CNNM2: variants seen among roughly 807,000 people sequenced by gnomAD.
CNNM2 encodes cyclin and CBS domain divalent metal cation transport mediator 2.
In CNNM2, 12 loss-of-function variants were observed where a neutral mutation model predicts 66.9. The ratio of observed to expected loss-of-function variants is 0.18; its 90% confidence interval spans 0.11 to 0.29. The LOEUF (loss-of-function observed/expected upper bound fraction) is 0.29. Ranked by LOEUF, CNNM2 falls within the 10% of genes least tolerant of loss-of-function variation. The pLI is 1.00. For synonymous variants in CNNM2, 557 were observed against 501.8 expected (o/e 1.11, Z -1.47); for missense variants, 705 against 1,167.7 (o/e 0.60, Z 5.77).
chr10:102,950,171 A>G (rs1376018831), intron 1 of CNNM2, among the ~76,000 whole-genome samples: 1 of 152,208 alleles, frequency 6.6e-6, no homozygotes, highest in Non-Finnish European at 1.5e-5. Context: ...ATTATGTGGT[A>G]ATATTTCCTG....
At chr10:102,941,242 T>G (rs895575533) in intron 1 of CNNM2, among the ~76,000 whole-genome samples, 12 of 151,358 alleles carry the variant, frequency 7.9e-5, no homozygotes, top group Non-Finnish European at 1.8e-4. Context: ...ATTACAGTAA[T>G]ATGATATTGT....
At position 102,919,482 on chromosome 10, in the gene CNNM2, C is replaced by T; in HGVS notation, c.1002C>T (p.Leu334=). 1.2e-6 allele frequency: 2 copies of T among 1,612,542 alleles called. No homozygotes were observed. Among genetic ancestry groups the T allele is most frequent in the Non-Finnish European group, 8.5e-7 (1 of 1,180,034 alleles). Residue 334 remains leucine, a synonymous_variant, in exon 1 of 8, where the codon CTC becomes CTT. Coordinates refer to ENST00000369878, the MANE Select transcript of CNNM2 (RefSeq NM_017649.5). Reference sequence around the variant, plus strand: ...TCAACACCACGCTCACCATCCTGCTCGACGACATCGCCGGCTCGGGCCTCG... The same window carrying T: ...TCAACACCACGCTCACCATCCTGCTTGACGACATCGCCGGCTCGGGCCTCG... ...VLVNTTLTIL[L]DDIAGSGLVA...
rs775294915 is a variant in CNNM2, at chr10:102,951,805, A to AT, written c.1621+31718dup. ...AGGTGTGTGCCGCCATGCCTGGCTA[A>AT]TTTTTTTTTTTTTTGAGACAGGAAT... On this transcript the variant is annotated intron_variant, in intron 1 of 7. Coordinates refer to ENST00000369878, the MANE Select transcript of CNNM2 (RefSeq NM_017649.5). Among the ~76,000 whole-genome samples the AT allele has an allele frequency of 1.3e-3, 181 of 140,362 alleles. No homozygotes were observed. The highest frequency in any genetic ancestry group is 1.7e-3 in the African/African-American group (67 of 38,316). The allele number at this position is 140,362 out of a possible 152,430, so 92.1% of individuals were successfully genotyped here.
At chr10:102,967,816 C>T (rs759130805) in intron 1 of CNNM2, among the ~76,000 whole-genome samples, 1 of 152,196 alleles carries the variant, frequency 6.6e-6, no homozygotes, top group Admixed American at 6.5e-5. Flanking sequence ...CCTGCCCAGA[C>T]TGGCCAACAT....
intron 1 of CNNM2, among the ~76,000 whole-genome samples, chr10:103,007,648 A>G (rs1590385008): frequency 6.6e-6 from 1 of 152,168 alleles, no homozygotes; most frequent in African/African-American, 2.4e-5. Context: ...ATATGGCTCT[A>G]TTCTGCCTGA....
intron 1 of CNNM2, among the ~76,000 whole-genome samples, chr10:103,031,214 G>T (rs2064813355): frequency 6.6e-6 from 1 of 152,144 alleles, no homozygotes; most frequent in Non-Finnish European, 1.5e-5. Flanking sequence ...ATGTGTATTT[G>T]TAAATTTTGA....
chr10:103,054,443 C>T lies in CNNM2; in HGVS notation c.1880C>T (p.Ala627Val), dbSNP rs1201563234. 6.2e-7 allele frequency: 1 copy of T among 1,613,748 alleles called. No homozygotes were observed. Among genetic ancestry groups the T allele is most frequent in the Admixed American group, 1.7e-5 (1 of 59,994 alleles). The change falls in exon 3 of 8, where the codon GCC becomes GTC. Residue 627 changes from alanine to valine, a missense_variant. This residue lies in a region of CNNM2 where 171 missense variants were observed against 304.8 expected (regional missense o/e 0.56). Coordinates refer to ENST00000369878, the MANE Select transcript of CNNM2 (RefSeq NM_017649.5). This position sits in a 1 kb window ranked among gnomAD's most constrained non-coding sequence, Gnocchi z 5.2. ...AAAATATCACCACAGCTCCTCCTGG[C>T]CATGCACCGTTTCCTAGCAACAGGC... ...KVKISPQLLL[A>V]MHRFLATEVE... is the part of the protein sequence containing the mutation.
chr10:103,030,232 T>C (rs1164325038), intron 1 of CNNM2, among the ~76,000 whole-genome samples: 1 of 152,158 alleles, frequency 6.6e-6, no homozygotes, highest in Non-Finnish European at 1.5e-5. Context: ...AACTTAAACG[T>C]TCCTAAATGC....
At chr10:103,028,154 T>G (rs2064742785) in intron 1 of CNNM2, among the ~76,000 whole-genome samples, 1 of 152,248 alleles carries the variant, frequency 6.6e-6, no homozygotes, top group South Asian at 2.1e-4. Flanking sequence ...AAGGCATTTG[T>G]AGTGCGTACT....
intron 4 of CNNM2, among the ~76,000 whole-genome samples, chr10:103,060,105 C>G (rs527883911): frequency 5.3e-5 from 8 of 152,206 alleles, no homozygotes; most frequent in Non-Finnish European, 7.4e-5. Context: ...CCACTGTACT[C>G]CAGCCTGGGC....
At position 103,089,645 on chromosome 10, in the gene CNNM2, G is replaced by A; in HGVS notation, c.*12465G>A. On this transcript the variant is annotated 3_prime_UTR_variant, in exon 8 of 8. Coordinates refer to ENST00000369878, the MANE Select transcript of CNNM2 (RefSeq NM_017649.5). ...TGAGTCCTGCCAGGACTTGTTTAAT[G>A]GGTGCTTGGGGTTTTGGTTTTCCTC... The A allele has an allele frequency of 6.4e-7, 1 of 1,554,926 alleles. No individual in the cohort carries two copies. The highest frequency in any genetic ancestry group is 8.7e-7 in the Non-Finnish European group (1 of 1,150,750).
chr10:102,954,128 T>TTTC lies in CNNM2; in HGVS notation c.1621+34029_1621+34030insCTT, dbSNP rs1491043570. Among the ~76,000 whole-genome samples, 9 of 51,772 alleles carry TTTC rather than the reference T, an allele frequency of 1.7e-4. No homozygotes were observed. In the South Asian group the frequency reaches 4.0e-3, roughly 23 times the overall value. 34.0% of individuals were successfully genotyped at this position (51,772 alleles called of 152,430 possible). On this transcript the variant is annotated intron_variant, in intron 1 of 7. Coordinates refer to ENST00000369878, the MANE Select transcript of CNNM2 (RefSeq NM_017649.5). The stretch of plus-strand genomic sequence containing the variant: ...GTATTTTTCTTTTCTTTTCTTTTCT[T>TTTC]TTTTTTTTTTTTTTTGAGACAGGGT...
In CNNM2 at chr10:102,971,939, C is replaced by A. The variant is rs2134217029; in HGVS notation, c.1621+51838C>A. ...AGCCACTTGTACTTCTATGAATTATCTATTGCTTATTTTTCTTTGGGTTGT... is the reference window on the plus strand; with the variant it reads ...AGCCACTTGTACTTCTATGAATTATATATTGCTTATTTTTCTTTGGGTTGT... On this transcript the variant is annotated intron_variant, in intron 1 of 7. Transcript: ENST00000369878. Among the ~76,000 whole-genome samples the A allele has an allele frequency of 1.3e-5, 2 of 152,252 alleles. 1 individual carries two copies. Among genetic ancestry groups the A allele is most frequent in the East Asian group, 3.9e-4 (2 of 5,188 alleles).
At chr10:103,047,417 T>C (rs2065144877) in intron 1 of CNNM2, among the ~76,000 whole-genome samples, 1 of 152,214 alleles carries the variant, frequency 6.6e-6, no homozygotes, top group Non-Finnish European at 1.5e-5. Flanking sequence ...GACAACTAAA[T>C]GTGGTGTGGT....
chr10:102,942,221 G>A (rs1363277445), intron 1 of CNNM2, among the ~76,000 whole-genome samples: 3 of 151,994 alleles, frequency 2.0e-5, no homozygotes, highest in African/African-American at 7.3e-5. Flanking sequence ...TCAAGTATAC[G>A]ATTCAGTAGT....
At chr10:102,978,309 A>G (rs570157027) in intron 1 of CNNM2, among the ~76,000 whole-genome samples, 2 of 151,578 alleles carry the variant, frequency 1.3e-5, no homozygotes, top group South Asian at 4.2e-4. Context: ...CCCTCTGCAA[A>G]TCTATACTTG....
At chr10:103,004,560 G>GGT (rs2064189171) in intron 1 of CNNM2, among the ~76,000 whole-genome samples, 1 of 152,156 alleles carries the variant, frequency 6.6e-6, no homozygotes, top group Non-Finnish European at 1.5e-5. Context: ...GTAGTTCAAG[G>GGT]GTAGAGCCTG....
chr10:102,951,378 G>A (rs1159229946), intron 1 of CNNM2, among the ~76,000 whole-genome samples: 1 of 152,008 alleles, frequency 6.6e-6, no homozygotes, highest in East Asian at 1.9e-4. Flanking sequence ...TGTATTTTTA[G>A]TAGAGACAGG....
chr10:102,991,131 C>T (rs1227046170), intron 1 of CNNM2, among the ~76,000 whole-genome samples: 5 of 152,212 alleles, frequency 3.3e-5, no homozygotes, highest in East Asian at 1.9e-4. Context: ...GGATTACAGG[C>T]GTGTGCCACC....
Sources: allele counts gnomAD v4.1 joint callset (sites outside exome capture counted in the v4.1 genomes callset), GRCh38; gene constraint gnomAD v4.1.1; regional missense constraint gnomAD v4.1.1; non-coding constraint Gnocchi (gnomAD v3.1); transcripts MANE v1.5; gene names NCBI Gene and HGNC (gene_info 2026-07-23, HGNC 2026-07-21).